The following PROM1 variants were observed in gnomAD, a reference collection of about 807,000 sequenced individuals.
The protein encoded by PROM1 is prominin 1.
A neutral mutation model predicts 116.9 loss-of-function variants in PROM1; 105 were observed. The observed-to-expected ratio is 0.90, with a 90% CI of 0.77 to 1.06. The LOEUF (loss-of-function observed/expected upper bound fraction) is 1.06, where lower values mean the gene tolerates loss of function less well. PROM1 is among the 50% of genes least tolerant of loss of function. The pLI, the probability that PROM1 is intolerant of heterozygous loss-of-function variation, is 0.00. For missense variants in PROM1, 1,122 were observed against 1,045.2 expected, an observed-to-expected ratio of 1.07 and a Z score of -1.01; for synonymous variants, 393 against 387.0, an observed-to-expected ratio of 1.02 and a Z score of -0.18.
chr4:16,049,968 A>G (rs34042282), intron 2 of PROM1, among the ~76,000 whole-genome samples: 23,388 of 152,004 alleles, frequency 0.15, 2,206 homozygotes, highest in East Asian at 0.25. Context: ...CTTCACCATA[A>G]ATTTGATGTT....
At chr4:16,061,711 T>C (rs1201283320) in intron 2 of PROM1, among the ~76,000 whole-genome samples, 6 of 152,134 alleles carry the variant, frequency 3.9e-5, no homozygotes. Context: ...CAATGTATTG[T>C]CTCACAGTTC....
intron 1 of PROM1, chr4:16,082,393 A>C (rs1379988194): frequency 1.3e-5 from 2 of 152,140 alleles, no homozygotes; most frequent in African/African-American, 4.8e-5. Flanking sequence ...TTGCTTTCTT[A>C]ACAAAGAACA....
chr4:15,979,310 C>T (rs916217826), intron 26 of PROM1, 85 bp downstream of exon 26: 2 of 1,595,420 alleles, frequency 1.3e-6, no homozygotes, highest in African/African-American at 1.3e-5. Context: ...AAGGCATCAG[C>T]AGCATGCAGA....
rs1401500723 is a variant in PROM1, at chr4:16,000,539, T to C, written c.1535A>G (p.Glu512Gly). 2.5e-6 allele frequency: 4 copies of C among 1,595,296 alleles called. No individual in the cohort carries two copies. Among genetic ancestry groups the C allele is most frequent in the Non-Finnish European group, 3.4e-6 (4 of 1,163,310 alleles). The change falls in exon 14 of 28, where the codon GAA (glutamate) becomes GGA (glycine). Residue 512 changes from glutamate to glycine, a missense_variant. By Grantham distance (98) the Glu-to-Gly change is moderately conservative. Coordinates refer to ENST00000447510, the MANE Select transcript of PROM1 (RefSeq NM_006017.3). ...CGTGTAAGGTTCACAGATCAGTTTT[T>C]CCACATTTGCACCAAAGACAAAGGT... The part of the protein sequence containing the change: ...VLTFVFGANV[E>G]KLICEPYTSK...
At chr4:15,972,913 GAGA>G (rs1172018325) in intron 26 of PROM1, among the ~76,000 whole-genome samples, 6 of 152,308 alleles carry the variant, frequency 3.9e-5, no homozygotes, top group African/African-American at 1.4e-4. Context: ...GGACAACAGA[GAGA>G]AGTTGGCCCA....
intron 15 of PROM1, among the ~76,000 whole-genome samples, chr4:15,994,993 G>A (rs1721957627): frequency 6.6e-6 from 1 of 152,202 alleles, no homozygotes; most frequent in South Asian, 2.1e-4. Flanking sequence ...GAGACACTTG[G>A]CTTTGTCCTC....
At chr4:16,031,593 C>CTT (rs1732703632) in intron 5 of PROM1, among the ~76,000 whole-genome samples, 1 of 151,500 alleles carries the variant, frequency 6.6e-6, no homozygotes, top group Non-Finnish European at 1.5e-5. Flanking sequence ...TTTGGAGACA[C>CTT]AGAGAAAGAG....
chr4:16,002,085 C>T (rs1207437261), intron 13 of PROM1, among the ~76,000 whole-genome samples: 3 of 151,994 alleles, frequency 2.0e-5, no homozygotes, highest in Non-Finnish European at 4.4e-5. Flanking sequence ...TGGGAAGTTG[C>T]ATGATGGCTT....
intron 2 of PROM1, among the ~76,000 whole-genome samples, chr4:16,041,769 AATAAATAAATAAATAAATATAT>A (rs1389726586): frequency 2.5e-5 from 1 of 40,138 alleles, no homozygotes; most frequent in African/African-American, 8.2e-5. Context: ...TAAATAAATA[AATAAATAAATAAATAAATATAT>A]ATATATATAT....
intron 27 of PROM1, among the ~76,000 whole-genome samples, chr4:15,969,613 G>C (rs1254348185): frequency 1.3e-5 from 2 of 152,102 alleles, no homozygotes; most frequent in East Asian, 1.9e-4. Flanking sequence ...TTGAGAGGGA[G>C]TCTCACTCTG....
intron 1 of PROM1, among the ~76,000 whole-genome samples, chr4:16,082,770 G>A (rs890333971): frequency 7.2e-5 from 11 of 152,156 alleles, no homozygotes; most frequent in African/African-American, 2.7e-4. Flanking sequence ...CCAGAGAGAA[G>A]GGGTTCTGGA....
At chr4:15,999,264 G>A (rs4698438) in intron 14 of PROM1, among the ~76,000 whole-genome samples, 1 of 151,880 alleles carries the variant, frequency 6.6e-6, no homozygotes, top group Non-Finnish European at 1.5e-5. Context: ...GAGGTCAGGA[G>A]ATCGAGACCA....
intron 3 of PROM1, among the ~76,000 whole-genome samples, chr4:16,036,295 T>C (rs969426810): frequency 6.6e-6 from 1 of 152,242 alleles, no homozygotes; most frequent in Admixed American, 6.5e-5. Flanking sequence ...CTCTATGTCA[T>C]TTTCTAGATC....
At chr4:16,025,156 T>A (rs1391811713) in intron 6 of PROM1, 36 bp downstream of exon 6, 2 of 1,591,298 alleles carry the variant, frequency 1.3e-6, no homozygotes, top group African/African-American at 2.7e-5. Flanking sequence ...ACCAAAAATA[T>A]AAAGCATCGC....
chr4:16,006,396 G>C (rs1725478151), intron 13 of PROM1, 142 bp downstream of exon 13: 1 of 947,318 alleles, frequency 1.1e-6, no homozygotes, highest in African/African-American at 1.7e-5. Flanking sequence ...CATCACAGCA[G>C]GATCTCTCCT....
At chr4:16,027,243 T>G (rs1850507) in intron 5 of PROM1, among the ~76,000 whole-genome samples, 38,522 of 151,754 alleles carry the variant, frequency 0.25, 5,306 homozygotes, top group East Asian at 0.47. Context: ...CAGGCACTCA[T>G]GCCAAAGAGG....
intron 5 of PROM1, among the ~76,000 whole-genome samples, chr4:16,029,982 C>A (rs186983746): frequency 1.3e-5 from 2 of 152,260 alleles, no homozygotes; most frequent in South Asian, 2.1e-4. Context: ...TCTTGTCCTT[C>A]TTATTTTTAT....
intron 14 of PROM1, among the ~76,000 whole-genome samples, chr4:15,998,702 A>T (rs568813763): frequency 6.6e-6 from 1 of 152,320 alleles, no homozygotes; most frequent in African/African-American, 2.4e-5. Flanking sequence ...CAAAATTATT[A>T]AAATTACTTT....
chr4:16,056,139 G>T (rs1475494919), intron 2 of PROM1, among the ~76,000 whole-genome samples: 1 of 152,156 alleles, frequency 6.6e-6, no homozygotes, highest in African/African-American at 2.4e-5. Context: ...CCTCGTGGGG[G>T]CTGTGGATAT....
Sources: gnomAD v4.1 joint callset for allele counts (sites outside exome capture counted in the v4.1 genomes callset) on GRCh38, gnomAD v4.1.1 for gene constraint, MANE v1.5 for transcripts, NCBI Gene and HGNC (gene_info 2026-07-23, HGNC 2026-07-21) for gene names.